Variants in ADNP observed in about 807,000 individuals in gnomAD.
The protein encoded by ADNP is activity dependent neuroprotector homeobox, also known as activity-dependent neuroprotector homeobox protein.
A neutral mutation model predicts 84.9 loss-of-function variants in ADNP; 4 were observed. That is an observed-to-expected ratio of 0.05 (90% CI 0.02 to 0.11). ADNP has a LOEUF of 0.11. Ranked by LOEUF, ADNP falls within the 10% of genes least tolerant of loss-of-function variation. The pLI is 1.00. For missense variants in ADNP, 1,132 were observed against 1,326.0 expected (o/e 0.85, Z 2.27); for synonymous variants, 554 against 468.1 (o/e 1.18, Z -2.37).
intron 2 of ADNP, among the ~76,000 whole-genome samples, chr20:50,918,945 C>CCG (rs1483332936): frequency 1.3e-5 from 2 of 152,048 alleles, no homozygotes; most frequent in African/African-American, 4.8e-5. Flanking sequence ...ACATTACCTA[C>CCG]CAATTATACA....
chr20:50,911,038 C>T (rs1168748291), intron 2 of ADNP, among the ~76,000 whole-genome samples: 1 of 152,180 alleles, frequency 6.6e-6, no homozygotes, highest in Non-Finnish European at 1.5e-5. Flanking sequence ...CCCACATCTA[C>T]TGATTAGGGC....
At chr20:50,930,772 G>C (rs1472032281) in intron 1 of ADNP, 54 bp downstream of exon 1, 2 of 150,470 alleles carry the variant, frequency 1.3e-5, no homozygotes, top group Admixed American at 6.7e-5. Flanking sequence ...GGCCGGGGTC[G>C]GGAAGCCAGG....
At chr20:50,895,977 C>G (rs920705560) in intron 5 of ADNP, among the ~76,000 whole-genome samples, 1 of 152,172 alleles carries the variant, frequency 6.6e-6, no homozygotes, top group Non-Finnish European at 1.5e-5. Context: ...GTAATCTCAG[C>G]ACTTTGGGAG....
intron 2 of ADNP, among the ~76,000 whole-genome samples, chr20:50,926,701 C>T (rs535078538): frequency 6.6e-6 from 1 of 152,262 alleles, no homozygotes; most frequent in South Asian, 2.1e-4. Context: ...TGTGTACATA[C>T]ATACACACAC....
At chr20:50,927,536 C>T (rs1410017674) in intron 2 of ADNP, among the ~76,000 whole-genome samples, 1 of 150,934 alleles carries the variant, frequency 6.6e-6, no homozygotes. Flanking sequence ...CTATAAATTC[C>T]AGTCTTCAAG....
chr20:50,922,405 A>C (rs1984012623), intron 2 of ADNP, among the ~76,000 whole-genome samples: 1 of 151,948 alleles, frequency 6.6e-6, no homozygotes, highest in Non-Finnish European at 1.5e-5. Flanking sequence ...GAGTTCTATT[A>C]ATTTGCTGGA....
At chr20:50,916,663 T>TA (rs927665460) in intron 2 of ADNP, among the ~76,000 whole-genome samples, 17 of 152,184 alleles carry the variant, frequency 1.1e-4, no homozygotes, top group Non-Finnish European at 1.9e-4. Context: ...TCCTGAAAAA[T>TA]ACATTTGTGT....
intron 2 of ADNP, among the ~76,000 whole-genome samples, chr20:50,920,551 C>G (rs1983889237): frequency 6.8e-6 from 1 of 146,232 alleles, no homozygotes; most frequent in South Asian, 2.2e-4. Flanking sequence ...GCCTGGACTC[C>G]ATTAAAAAAA....
In ADNP at chr20:50,889,331, T is replaced by C. The variant is rs1483616391; in HGVS notation, c.*2074A>G. 1 of 152,248 alleles carries C rather than the reference T, an allele frequency of 6.6e-6. No homozygotes were observed. Among genetic ancestry groups the C allele is most frequent in the Non-Finnish European group, 1.5e-5 (1 of 68,046 alleles). The allele number at this position is 152,248 out of a possible 1,614,324, so 9.4% of individuals were successfully genotyped here. On this transcript the variant is annotated 3_prime_UTR_variant, in exon 6 of 6. Transcript: ENST00000621696. ...GGGTAATTTCCAAATAAATGTGAGC[T>C]GGCCTAAATCCAGCTGGTTATTTCT...
intron 3 of ADNP, 93 bp from the exon 4 acceptor site, chr20:50,904,094 A>G (rs1982246235): frequency 1.1e-6 from 1 of 949,760 alleles, no homozygotes; most frequent in Non-Finnish European, 1.6e-6. Context: ...AAACCTACCC[A>G]TCTGACAAAA....
intron 5 of ADNP, among the ~76,000 whole-genome samples, chr20:50,896,682 T>C (rs1387063293): frequency 2.0e-5 from 3 of 152,232 alleles, no homozygotes; most frequent in Non-Finnish European, 4.4e-5. Flanking sequence ...CCTTTACATC[T>C]TGTCCCACTG....
intron 5 of ADNP, among the ~76,000 whole-genome samples, chr20:50,899,923 G>A (rs763517561): frequency 3.4e-5 from 5 of 145,828 alleles, no homozygotes; most frequent in Non-Finnish European, 7.4e-5. Flanking sequence ...AGAGTGAAAG[G>A]ACAAAGCTTC....
chr20:50,915,706 A>C (rs991555709), intron 2 of ADNP, among the ~76,000 whole-genome samples: 1 of 152,238 alleles, frequency 6.6e-6, no homozygotes, highest in African/African-American at 2.4e-5. Context: ...AAAACTGTGC[A>C]GCAAGACAGA....
Position 50,893,351 on chromosome 20 carries a change from G to A in ADNP, c.1363C>T (p.Leu455Phe). Residue 455 changes from leucine (L) to phenylalanine (F), a missense_variant, in exon 6 of 6, where the codon CTT (leucine) becomes TTT (phenylalanine). Transcript: ENST00000621696. The surrounding 1 kb of genome is among the most constrained non-coding windows in gnomAD (Gnocchi z 4.4). ...ACACTATAGACATTTTCAGGAAAAA[G>A]CTCATTACAGATTGTACATATTTTC... ...KWKICTICNE[L>F]FPENVYSVHF... The A allele has an allele frequency of 6.2e-7, 1 of 1,614,184 alleles. No homozygotes were observed. Among genetic ancestry groups the A allele is most frequent in the East Asian group, 2.2e-5 (1 of 44,886 alleles).
At chr20:50,906,139 G>C (rs1395932980) in intron 2 of ADNP, among the ~76,000 whole-genome samples, 1 of 152,188 alleles carries the variant, frequency 6.6e-6, no homozygotes, top group Non-Finnish European at 1.5e-5. Flanking sequence ...TTGAACCCGG[G>C]AGGCAGAGGT....
rs558141493 is a variant in ADNP, at chr20:50,919,817, A to G, written c.-90+8834T>C. ...ACTCCACTGAGTCAGAATGGTTGCT[A>G]TGTCAAGCTTCTGAGTAACAAGGAA... On this transcript the variant is annotated intron_variant, in intron 2 of 5. Coordinates refer to ENST00000621696, the MANE Select transcript of ADNP (RefSeq NM_001282531.3). Among the ~76,000 whole-genome samples the G allele has an allele frequency of 3.9e-5, 6 of 152,256 alleles. No homozygotes were observed. In the South Asian group the frequency reaches 8.3e-4, roughly 21 times the overall value.
chr20:50,898,661 C>T (rs1981654683), intron 5 of ADNP, among the ~76,000 whole-genome samples: 2 of 152,218 alleles, frequency 1.3e-5, no homozygotes, highest in Non-Finnish European at 2.9e-5. Context: ...AATCACTCAA[C>T]ATGGCCCCTT....
At position 50,930,887 on chromosome 20, in the gene ADNP, GCGGCGGGCGGATGGCGGCGGCA is replaced by G. The variant is rs1984693584; in HGVS notation, c.-348_-327del. On this transcript the variant is annotated 5_prime_UTR_variant, in exon 1 of 6. Coordinates refer to ENST00000621696, the MANE Select transcript of ADNP (RefSeq NM_001282531.3). The stretch of plus-strand genomic sequence containing the variant: ...GCTCGGGGGCCGGACAGCGGCGGCG[GCGGCGGGCGGATGGCGGCGGCA>G]CGGCGGTGGCGGCAGCGGGGAGGGC... 6.8e-6 allele frequency: 1 copy of G among 146,848 alleles called. No homozygotes were observed. Among genetic ancestry groups the G allele is most frequent in the Non-Finnish European group, 1.5e-5 (1 of 65,812 alleles). 9.1% of individuals were successfully genotyped at this position (146,848 alleles called of 1,614,324 possible). A position where few individuals can be genotyped will look rare whatever the true frequency, so the allele number is the denominator to read the frequency against.
At chr20:50,913,483 G>A (rs1482645024) in intron 2 of ADNP, among the ~76,000 whole-genome samples, 3 of 152,138 alleles carry the variant, frequency 2.0e-5, no homozygotes, top group Non-Finnish European at 4.4e-5. Flanking sequence ...GGGTTTAAGA[G>A]TAAGATTTTT....
Sources: allele counts gnomAD v4.1 joint callset (sites outside exome capture counted in the v4.1 genomes callset), GRCh38; gene constraint gnomAD v4.1.1; non-coding constraint Gnocchi (gnomAD v3.1); transcripts MANE v1.5; gene names NCBI Gene and HGNC (gene_info 2026-07-23, HGNC 2026-07-21).